Variants in ARHGAP39 observed in about 807,000 individuals in gnomAD.
ARHGAP39 encodes the protein Rho GTPase activating protein 39, also known as rho GTPase-activating protein 39.
A neutral mutation model predicts 106.9 loss-of-function variants in ARHGAP39; 44 were observed. That is an observed-to-expected ratio of 0.41 (90% CI 0.32 to 0.53). ARHGAP39 has a LOEUF of 0.53. ARHGAP39 is among the 20% of genes least tolerant of loss of function. ARHGAP39 has a pLI of 0.21. For missense variants in ARHGAP39, 1,496 were observed against 1,577.3 expected, an observed-to-expected ratio of 0.95 and a Z score of 0.87; for synonymous variants, 768 against 693.2, an observed-to-expected ratio of 1.11 and a Z score of -1.69.
intron 3 of ARHGAP39, among the ~76,000 whole-genome samples, chr8:144,563,387 G>C (rs900807888): frequency 6.6e-6 from 1 of 152,158 alleles, no homozygotes; most frequent in Non-Finnish European, 1.5e-5. Flanking sequence ...AAATTCAACA[G>C]CTTCGCAGTG....
chr8:144,604,914 G>T lies in ARHGAP39; in HGVS notation c.80+621C>A, dbSNP rs1470451380. ...GGCAAGGGCACTCGAGCACTCATGGGGCTGTTCTTATTCTTGTAACTTTTC... is the reference window on the plus strand; with the variant it reads ...GGCAAGGGCACTCGAGCACTCATGGTGCTGTTCTTATTCTTGTAACTTTTC... On this transcript the variant is annotated intron_variant, in intron 2 of 11. Coordinates refer to ENST00000377307, the MANE Select transcript of ARHGAP39 (RefSeq NM_025251.3). This position sits in a 1 kb window ranked among gnomAD's most constrained non-coding sequence, Gnocchi z 4.1. 6.6e-6 allele frequency among the ~76,000 whole-genome samples: 1 copy of T among 152,194 alleles called. No individual in the cohort carries two copies. The highest frequency in any genetic ancestry group is 1.5e-5 in the Non-Finnish European group (1 of 68,044).
intron 1 of ARHGAP39, among the ~76,000 whole-genome samples, chr8:144,640,267 T>A (rs1190626403): frequency 6.6e-6 from 1 of 152,192 alleles, no homozygotes; most frequent in Non-Finnish European, 1.5e-5. Context: ...GTGGTTTGGC[T>A]CTGTGTCCCC....
At chr8:144,686,056 C>A (rs78433637), upstream of ARHGAP39, among the ~76,000 whole-genome samples, 5,546 of 151,874 alleles carry the variant, frequency 0.037, 275 homozygotes, top group East Asian at 0.13. Context: ...GCGCCAGAGG[C>A]CTCCCGCGCG....
At chr8:144,545,154 G>T in intron 6 of ARHGAP39, 95 bp downstream of exon 6, 1 of 1,209,816 alleles carries the variant, frequency 8.3e-7, no homozygotes, top group Non-Finnish European at 1.1e-6. Flanking sequence ...TGTGTGGAGG[G>T]CCGCCAGGGA....
At chr8:144,560,637 AGATGACTG>A (rs899409348) in intron 3 of ARHGAP39, among the ~76,000 whole-genome samples, 1 of 152,214 alleles carries the variant, frequency 6.6e-6, no homozygotes. Context: ...CGTCACCAAA[AGATGACTG>A]GGGTCCTGCA....
intron 3 of ARHGAP39, 75 bp downstream of exon 3, chr8:144,580,763 GCCCACCAC>G: frequency 1.2e-5 from 1 of 81,088 alleles, no homozygotes. Context: ...ACCTGGCCCC[GCCCACCAC>G]CCCCTACCTG....
At chr8:144,592,185 C>T (rs571708907) in intron 2 of ARHGAP39, among the ~76,000 whole-genome samples, 2 of 152,318 alleles carry the variant, frequency 1.3e-5, no homozygotes, top group African/African-American at 4.8e-5. Flanking sequence ...CTCCTGCGCG[C>T]GTGTGGGCAG....
chr8:144,602,241 GGAGGT>G (rs1361867617), intron 2 of ARHGAP39, among the ~76,000 whole-genome samples: 1 of 132,486 alleles, frequency 7.5e-6, no homozygotes, highest in African/African-American at 2.9e-5. Context: ...GCATGTGCGT[GGAGGT>G]GTGTGTGTGA....
chr8:144,603,101 G>T (rs1429782799), intron 2 of ARHGAP39, among the ~76,000 whole-genome samples: 1 of 145,306 alleles, frequency 6.9e-6, no homozygotes, highest in African/African-American at 2.6e-5. Context: ...GCGAGCTCAT[G>T]TATCTGTGTG....
chr8:144,564,634 AAAAAAG>A (rs1369102349), intron 3 of ARHGAP39, among the ~76,000 whole-genome samples: 1 of 152,182 alleles, frequency 6.6e-6, no homozygotes, highest in Non-Finnish European at 1.5e-5. Context: ...TAGAATATAC[AAAAAAG>A]AACCCAATCA....
intron 1 of ARHGAP39, among the ~76,000 whole-genome samples, chr8:144,667,085 A>G (rs1027356369): frequency 7.9e-5 from 12 of 152,266 alleles, no homozygotes; most frequent in South Asian, 4.1e-4. Flanking sequence ...TATTCTAAAT[A>G]TAAGAGTTCA....
chr8:144,621,789 C>A (rs549727178), intron 1 of ARHGAP39, among the ~76,000 whole-genome samples: 5 of 152,308 alleles, frequency 3.3e-5, no homozygotes, highest in Admixed American at 1.3e-4. Flanking sequence ...CTGCACTCTG[C>A]AGCCTGGGCG....
rs755734732 is a variant in ARHGAP39, at chr8:144,534,124, C to T, written c.2688+5G>A. 4 of 1,612,574 alleles carry T rather than the reference C, an allele frequency of 2.5e-6. No homozygotes were observed. The highest frequency in any genetic ancestry group is 1.3e-5 in the African/African-American group (1 of 74,902). On this transcript the variant is annotated splice_donor_5th_base_variant and intron_variant, in intron 8 of 11. Coordinates refer to ENST00000377307, the MANE Select transcript of ARHGAP39 (RefSeq NM_025251.3). ...CCCTCCCCGGCCCCCCAGGCGCACCCGTACCTTCTTGGCCCCGGTCAGGGC... is the reference window on the plus strand; with the variant it reads ...CCCTCCCCGGCCCCCCAGGCGCACCTGTACCTTCTTGGCCCCGGTCAGGGC...
rs1820210973 is a variant in ARHGAP39, at chr8:144,604,525, C to G, written c.80+1010G>C. On this transcript the variant is annotated intron_variant, in intron 2 of 11. Coordinates refer to ENST00000377307, the MANE Select transcript of ARHGAP39 (RefSeq NM_025251.3). The surrounding 1 kb of genome is among the most constrained non-coding windows in gnomAD (Gnocchi z 4.1). Reference sequence around the variant, plus strand: ...CCCGAGTAGCTGAGACCATAGGCATCTGCCACCACATCTGGCTAATTTTTG... The same window carrying G: ...CCCGAGTAGCTGAGACCATAGGCATGTGCCACCACATCTGGCTAATTTTTG... Among the ~76,000 whole-genome samples the G allele has an allele frequency of 6.6e-6, 1 of 151,592 alleles. No individual in the cohort carries two copies. The highest frequency in any genetic ancestry group is 6.6e-5 in the Admixed American group (1 of 15,258).
At chr8:144,605,778 T>C in intron 1 of ARHGAP39, 83 bp from the exon 2 acceptor site, 1 of 702,620 alleles carries the variant, frequency 1.4e-6, no homozygotes, top group Non-Finnish European at 2.4e-6. Context: ...CGCCGCAGAC[T>C]GGCTGGGCAG....
chr8:144,548,635 A>T lies in ARHGAP39; in HGVS notation c.597-146T>A. 1 of 1,174,752 alleles carries T rather than the reference A, an allele frequency of 8.5e-7. No individual in the cohort carries two copies. Among genetic ancestry groups the T allele is most frequent in the Non-Finnish European group, 1.2e-6 (1 of 864,330 alleles). The allele number at this position is 1,174,752 out of a possible 1,614,324, so 72.8% of individuals were successfully genotyped here. Reference sequence around the variant, plus strand: ...GGGGCCCTGTGGCCTGGCGCCCCTCACACCTGCCTTGCCCCAGCACCCCCA... The same window carrying T: ...GGGGCCCTGTGGCCTGGCGCCCCTCTCACCTGCCTTGCCCCAGCACCCCCA... On this transcript the variant is annotated intron_variant, in intron 4 of 11. Transcript: ENST00000377307. This position sits in a 1 kb window ranked among gnomAD's most constrained non-coding sequence, Gnocchi z 7.4.
chr8:144,537,036 CTG>C (rs371660820), intron 7 of ARHGAP39, among the ~76,000 whole-genome samples: 4 of 152,300 alleles, frequency 2.6e-5, no homozygotes, highest in African/African-American at 7.2e-5. Context: ...CCCTGGAAGC[CTG>C]TGTGTGCATG....
intron 2 of ARHGAP39, among the ~76,000 whole-genome samples, chr8:144,589,542 C>T (rs1413728195): frequency 6.6e-6 from 1 of 152,242 alleles, no homozygotes; most frequent in East Asian, 1.9e-4. Context: ...TTTACCAAAA[C>T]ACAGGAGACC....
rs1816582957 is a variant in ARHGAP39, at chr8:144,529,741, A to C, written c.*681T>G. On this transcript the variant is annotated 3_prime_UTR_variant, in exon 12 of 12. Transcript: ENST00000377307. Reference sequence around the variant, plus strand: ...GGCTGCGATGCAGGATAGATTCTGGATTTACAGTTACACGAAGAAAAAAAT... The same window carrying C: ...GGCTGCGATGCAGGATAGATTCTGGCTTTACAGTTACACGAAGAAAAAAAT... The C allele has an allele frequency of 6.6e-6, 1 of 152,128 alleles. No individual in the cohort carries two copies. Among genetic ancestry groups the C allele is most frequent in the Admixed American group, 6.5e-5 (1 of 15,284 alleles). The allele number at this position is 152,128 out of a possible 1,614,324, so 9.4% of individuals were successfully genotyped here. A position where few individuals can be genotyped will look rare whatever the true frequency, so the allele number is the denominator to read the frequency against.
Sources: allele counts gnomAD v4.1 joint callset (sites outside exome capture counted in the v4.1 genomes callset), GRCh38; gene constraint gnomAD v4.1.1; non-coding constraint Gnocchi (gnomAD v3.1); transcripts MANE v1.5; gene names NCBI Gene and HGNC (gene_info 2026-07-23, HGNC 2026-07-21).